ENPP6: variants seen among roughly 807,000 people sequenced by gnomAD.
The protein encoded by ENPP6 is glycerophosphocholine cholinephosphodiesterase ENPP6.
In ENPP6, 32 loss-of-function variants were observed where a neutral mutation model predicts 42.0. The observed-to-expected ratio is 0.76, with a 90% CI of 0.58 to 1.02. ENPP6 has a LOEUF of 1.02. Among genes scored for constraint, ENPP6 ranks in the 50% least tolerant of loss-of-function variants. The pLI, the probability that ENPP6 is intolerant of heterozygous loss-of-function variation, is 0.00. For synonymous variants in ENPP6, 213 were observed against 216.0 expected, an observed-to-expected ratio of 0.99 and a Z score of 0.12; for missense variants, 552 against 566.8, an observed-to-expected ratio of 0.97 and a Z score of 0.27.
intron 2 of ENPP6, among the ~76,000 whole-genome samples, chr4:184,127,710 T>C (rs374835285): frequency 1.5e-4 from 23 of 152,272 alleles, no homozygotes; most frequent in East Asian, 5.8e-4. Context: ...TGAGCTGAGA[T>C]TGAGCCATTG....
chr4:184,173,148 A>AC (rs890536236), intron 1 of ENPP6, among the ~76,000 whole-genome samples: 23 of 150,786 alleles, frequency 1.5e-4, no homozygotes, highest in African/African-American at 5.6e-4. Flanking sequence ...CAAATGATCC[A>AC]CCCCCCTCAG....
chr4:184,159,705 G>C (rs1165027235), intron 1 of ENPP6, among the ~76,000 whole-genome samples: 1 of 151,992 alleles, frequency 6.6e-6, no homozygotes, highest in East Asian at 1.9e-4. Context: ...TTGGTTGTGT[G>C]GATAAGTTCT....
intron 2 of ENPP6, 58 bp from the exon 3 acceptor site, chr4:184,124,330 G>C: frequency 7.5e-7 from 1 of 1,327,834 alleles, no homozygotes; most frequent in Non-Finnish European, 1.1e-6. Context: ...GTCGAGTTAT[G>C]AGCCTATTTC....
At chr4:184,153,874 A>T (rs1180593801) in intron 1 of ENPP6, 141 bp from the exon 2 acceptor site, 13 of 1,022,222 alleles carry the variant, frequency 1.3e-5, no homozygotes, top group African/African-American at 1.9e-5. Context: ...TTTAAAAAAA[A>T]ATCAGATTTT....
intron 1 of ENPP6, among the ~76,000 whole-genome samples, chr4:184,176,390 T>C (rs1321482097): frequency 1.3e-5 from 2 of 152,176 alleles, no homozygotes; most frequent in Non-Finnish European, 2.9e-5. Context: ...TCTTCTTAAA[T>C]AGGAAAGCAG....
intron 6 of ENPP6, among the ~76,000 whole-genome samples, chr4:184,109,727 A>T (rs1004880287): frequency 6.6e-6 from 1 of 152,218 alleles, no homozygotes; most frequent in African/African-American, 2.4e-5. Flanking sequence ...TGCTGCTCTA[A>T]TAATTGTCAA....
At chr4:184,201,418 G>T (rs1026846837) in intron 1 of ENPP6, among the ~76,000 whole-genome samples, 6 of 152,286 alleles carry the variant, frequency 3.9e-5, no homozygotes, top group African/African-American at 1.4e-4. Flanking sequence ...GCGGGGCGGG[G>T]GGGTGTTGTG....
Position 184,201,343 on chromosome 4 carries a change from CA to C in ENPP6, c.241+16235del, listed in dbSNP as rs140269040. ...GAGCAGGAACTGGAGCTGCAGGGGT[CA>C]AGCCATCCCCAAAGCCTTGGCAGGA... On this transcript the variant is annotated intron_variant, in intron 1 of 7. Transcript: ENST00000296741. 8.7e-3 allele frequency among the ~76,000 whole-genome samples: 1,321 copies of C among 152,194 alleles called. 24 individuals carry two copies. The highest frequency in any genetic ancestry group is 0.03 in the African/African-American group (1,256 of 41,502).
At chr4:184,143,850 A>G (rs986248598) in intron 2 of ENPP6, among the ~76,000 whole-genome samples, 3 of 152,222 alleles carry the variant, frequency 2.0e-5, no homozygotes, top group Admixed American at 1.3e-4. Context: ...AAGTTCCTCA[A>G]GTGCTCCAGT....
At chr4:184,176,938 T>A (rs1462222984) in intron 1 of ENPP6, among the ~76,000 whole-genome samples, 1 of 152,180 alleles carries the variant, frequency 6.6e-6, no homozygotes, top group Non-Finnish European at 1.5e-5. Context: ...GCTGAAAGAA[T>A]CTCACCTCGT....
At chr4:184,163,188 G>A (rs569917752) in intron 1 of ENPP6, among the ~76,000 whole-genome samples, 17 of 152,330 alleles carry the variant, frequency 1.1e-4, no homozygotes, top group Admixed American at 5.2e-4. Flanking sequence ...CAAGCTGAGA[G>A]TCCCCTGAAC....
chr4:184,194,671 G>A (rs1025431953), intron 1 of ENPP6, among the ~76,000 whole-genome samples: 7 of 152,204 alleles, frequency 4.6e-5, no homozygotes, highest in Non-Finnish European at 8.8e-5. Flanking sequence ...GGAGGAAAAA[G>A]AAGGAGTCAA....
At chr4:184,151,404 C>T (rs556713019) in intron 2 of ENPP6, among the ~76,000 whole-genome samples, 8 of 152,308 alleles carry the variant, frequency 5.3e-5, no homozygotes, top group South Asian at 2.1e-4. Flanking sequence ...GTGTGCAATA[C>T]GGCGACTGCC....
At chr4:184,095,354 T>A (rs927039200) in intron 7 of ENPP6, among the ~76,000 whole-genome samples, 3 of 152,128 alleles carry the variant, frequency 2.0e-5, no homozygotes, top group Admixed American at 2.0e-4. Flanking sequence ...GATTTGGTTC[T>A]GCTTTAAAAT....
At chr4:184,127,982 A>T (rs1162609760) in intron 2 of ENPP6, among the ~76,000 whole-genome samples, 1 of 152,186 alleles carries the variant, frequency 6.6e-6, no homozygotes, top group Non-Finnish European at 1.5e-5. Flanking sequence ...ATAATGTTTC[A>T]TTCTAGATAT....
At chr4:184,163,257 G>T (rs1219150946) in intron 1 of ENPP6, among the ~76,000 whole-genome samples, 1 of 152,098 alleles carries the variant, frequency 6.6e-6, no homozygotes, top group African/African-American at 2.4e-5. Flanking sequence ...GACCTCAGGC[G>T]GCCTCCTAGT....
At chr4:184,135,813 T>C (rs1736722491) in intron 2 of ENPP6, among the ~76,000 whole-genome samples, 1 of 152,180 alleles carries the variant, frequency 6.6e-6, no homozygotes, top group African/African-American at 2.4e-5. Flanking sequence ...TCCCTTCTCA[T>C]CACTGTTCAC....
At chr4:184,118,192 T>C (rs1736357989) in intron 3 of ENPP6, among the ~76,000 whole-genome samples, 1 of 152,234 alleles carries the variant, frequency 6.6e-6, no homozygotes, top group Non-Finnish European at 1.5e-5. Context: ...CCTCAGCATT[T>C]CATTGCTTTA....
intron 1 of ENPP6, among the ~76,000 whole-genome samples, chr4:184,169,278 G>A (rs1287660242): frequency 2.0e-5 from 3 of 151,966 alleles, no homozygotes; most frequent in African/African-American, 7.3e-5. Flanking sequence ...GTGGCTCCAG[G>A]ATCCAGGCTG....
Sources: allele counts gnomAD v4.1 joint callset (sites outside exome capture counted in the v4.1 genomes callset), GRCh38; gene constraint gnomAD v4.1.1; transcripts MANE v1.5; gene names NCBI Gene and HGNC (gene_info 2026-07-23, HGNC 2026-07-21).